The following DGKB variants were observed in gnomAD, a reference collection of about 807,000 sequenced individuals.
DGKB encodes the protein diacylglycerol kinase beta.
A neutral mutation model predicts 114.3 loss-of-function variants in DGKB; 67 were observed. The ratio of observed to expected loss-of-function variants is 0.59; its 90% CI spans 0.48 to 0.72. The LOEUF (loss-of-function observed/expected upper bound fraction) is 0.72, where lower values mean the gene tolerates loss of function less well. Ranked by LOEUF, DGKB falls within the 30% of genes least tolerant of loss-of-function variation. The pLI, the probability that DGKB is intolerant of heterozygous loss-of-function variation, is 0.00. For synonymous variants in DGKB, 398 were observed against 323.1 expected (o/e 1.23, Z -2.49); for missense variants, 907 against 975.2 (o/e 0.93, Z 0.93).
In DGKB at chr7:14,254,287, C is replaced by G. The variant is rs1434172309; in HGVS notation, c.2123-76136G>C. 2.6e-5 allele frequency among the ~76,000 whole-genome samples: 4 copies of G among 152,226 alleles called. No homozygotes were observed. The East Asian group carries it at 7.7e-4, about 29-fold the overall frequency. ...TGCTTTCTTCACATCCTCAATCCAA[C>G]CTCAATGAAAGTATTCAGCCATTTG... is the stretch of plus-strand genomic sequence containing the variant. On this transcript the variant is annotated intron_variant, in intron 23 of 25. Coordinates refer to ENST00000402815, the MANE Select transcript of DGKB (RefSeq NM_001350709.2).
chr7:14,170,779 T>C (rs1780874767), intron 25 of DGKB, among the ~76,000 whole-genome samples: 1 of 152,074 alleles, frequency 6.6e-6, no homozygotes, highest in African/African-American at 2.4e-5. Context: ...AAAGTTATGG[T>C]GGGATGTGTG....
At chr7:14,160,735 C>A (rs1783755757) in intron 25 of DGKB, among the ~76,000 whole-genome samples, 1 of 152,156 alleles carries the variant, frequency 6.6e-6, no homozygotes, top group South Asian at 2.1e-4. Context: ...ATCAAGCTAC[C>A]ATGGACTTTC....
intron 20 of DGKB, among the ~76,000 whole-genome samples, chr7:14,549,135 C>T (rs1050818632): frequency 6.6e-6 from 1 of 152,014 alleles, no homozygotes; most frequent in African/African-American, 2.4e-5. Flanking sequence ...AATTATAAGA[C>T]TTGAGAGAGT....
chr7:14,324,588 A>AATGTC lies in DGKB; in HGVS notation c.2122+13922_2122+13926dup, dbSNP rs758441474. 2.0e-5 allele frequency among the ~76,000 whole-genome samples: 3 copies of AATGTC among 152,292 alleles called. No homozygotes were observed. In the East Asian group the frequency reaches 5.8e-4, roughly 29 times the overall value. On this transcript the variant is annotated intron_variant, in intron 23 of 25. Transcript: ENST00000402815. ...CTAGGATTGTCCATGAAGAATGAGC[A>AATGTC]ATGTCATTTGCGGTGATGGAAGCTC...
chr7:14,732,886 T>A (rs7809161), intron 5 of DGKB, among the ~76,000 whole-genome samples: 121,345 of 152,168 alleles, frequency 0.8, 48,684 homozygotes, highest in Non-Finnish European at 0.85. Flanking sequence ...AATCACCTAA[T>A]TTATCAGAAT....
intron 20 of DGKB, among the ~76,000 whole-genome samples, chr7:14,541,108 CTT>C (rs200110793): frequency 3.7e-4 from 54 of 146,080 alleles, no homozygotes; most frequent in African/African-American, 1.2e-3. Context: ...TGTTGGTCTC[CTT>C]TTTTTTTTTT....
At chr7:14,723,303 T>C (rs1365742685) in intron 5 of DGKB, among the ~76,000 whole-genome samples, 2 of 152,164 alleles carry the variant, frequency 1.3e-5, no homozygotes, top group East Asian at 1.9e-4. Flanking sequence ...CAAAATTCTA[T>C]TTTTAATTAA....
chr7:14,697,549 C>A lies in DGKB; in HGVS notation c.591+546G>T, dbSNP rs181157017. On this transcript the variant is annotated intron_variant, in intron 8 of 25. Coordinates refer to ENST00000402815, the MANE Select transcript of DGKB (RefSeq NM_001350709.2). ...TAACAGCTTCAGAACCCCACATATACCTTGTTATCTTATTCAGAATCCACT... is the reference window on the plus strand; with the variant it reads ...TAACAGCTTCAGAACCCCACATATAACTTGTTATCTTATTCAGAATCCACT... 9.3e-4 allele frequency among the ~76,000 whole-genome samples: 141 copies of A among 151,932 alleles called. 1 individual carries two copies. The Middle Eastern group carries it at 0.017, about 18-fold the overall frequency.
chr7:14,176,993 A>G (rs1781841768), intron 24 of DGKB, 94 bp from the exon 25 acceptor site: 5 of 1,431,954 alleles, frequency 3.5e-6, no homozygotes, highest in Admixed American at 1.8e-5. Flanking sequence ...AGGGAAGGCA[A>G]TATGGTAATA....
intron 1 of DGKB, among the ~76,000 whole-genome samples, chr7:14,962,720 G>C (rs1786929023): frequency 6.6e-6 from 1 of 151,338 alleles, no homozygotes; most frequent in African/African-American, 2.4e-5. Context: ...AAATTGGCAA[G>C]GCTAATAAAG....
At chr7:14,589,255 T>G (rs1801282374) in intron 17 of DGKB, among the ~76,000 whole-genome samples, 1 of 152,018 alleles carries the variant, frequency 6.6e-6, no homozygotes, top group Non-Finnish European at 1.5e-5. Context: ...ATAATCATAT[T>G]ATCACTGTTT....
intron 1 of DGKB, among the ~76,000 whole-genome samples, chr7:14,961,246 AT>A (rs1358271953): frequency 4.0e-5 from 6 of 151,762 alleles, no homozygotes; most frequent in Non-Finnish European, 7.4e-5. Flanking sequence ...CTTAGCTTTT[AT>A]TTTTTTCCAC....
chr7:14,586,629 G>A (rs576655094), intron 17 of DGKB, among the ~76,000 whole-genome samples: 2 of 152,200 alleles, frequency 1.3e-5, no homozygotes, highest in Admixed American at 6.6e-5. Flanking sequence ...TGGCCTCAAA[G>A]CTTCAAAGAA....
intron 20 of DGKB, among the ~76,000 whole-genome samples, chr7:14,510,713 G>A (rs4719407): frequency 0.33 from 50,733 of 151,912 alleles, 9,042 homozygotes; most frequent in Admixed American, 0.44. Flanking sequence ...TCCATTTGAT[G>A]AATCACTATC....
intron 23 of DGKB, among the ~76,000 whole-genome samples, chr7:14,289,820 C>A (rs1227561383): frequency 1.3e-5 from 2 of 150,506 alleles, no homozygotes; most frequent in Non-Finnish European, 2.9e-5. Context: ...AGAAACATGT[C>A]CTTAGCCTAT....
intron 23 of DGKB, among the ~76,000 whole-genome samples, chr7:14,219,171 CT>C (rs1313245146): frequency 6.6e-6 from 1 of 151,718 alleles, no homozygotes; most frequent in African/African-American, 2.4e-5. Flanking sequence ...CATTCATCCC[CT>C]GATTGGCATT....
At chr7:14,939,621 C>CT (rs60427374) in intron 1 of DGKB, among the ~76,000 whole-genome samples, 21,769 of 83,896 alleles carry the variant, frequency 0.26, 6,897 homozygotes, top group East Asian at 0.8. Flanking sequence ...AAATATAATA[C>CT]TTTTTTTTTT....
chr7:14,462,761 C>T (rs563788285), intron 21 of DGKB, among the ~76,000 whole-genome samples: 2 of 152,128 alleles, frequency 1.3e-5, no homozygotes, highest in South Asian at 4.2e-4. Flanking sequence ...CATATGGAGC[C>T]AAAAAGGAGG....
chr7:14,183,538 C>G (rs1220563556), intron 23 of DGKB, among the ~76,000 whole-genome samples: 1 of 152,194 alleles, frequency 6.6e-6, no homozygotes, highest in African/African-American at 2.4e-5. Flanking sequence ...GCTAATATAT[C>G]TACTATATGC....
Sources: allele counts gnomAD v4.1 joint callset (sites outside exome capture counted in the v4.1 genomes callset), GRCh38; gene constraint gnomAD v4.1.1; transcripts MANE v1.5; gene names NCBI Gene and HGNC (gene_info 2026-07-23, HGNC 2026-07-21).